The following ZUP1 variants were observed in gnomAD, a reference collection of about 807,000 sequenced individuals.
ZUP1 encodes zinc finger-containing ubiquitin peptidase 1.
Under a neutral mutation model 68.1 loss-of-function variants are expected in ZUP1, and 55 were observed. That is an observed-to-expected ratio of 0.81 (90% CI 0.65 to 1.01). The LOEUF is 1.01. ZUP1 is among the 50% of genes least tolerant of loss of function. The pLI, the probability that ZUP1 is intolerant of heterozygous loss-of-function variation, is 0.00. For missense variants in ZUP1, 684 were observed against 674.9 expected (o/e 1.01, Z -0.15); for synonymous variants, 223 against 221.5 (o/e 1.01, Z -0.06).
At chr6:116,651,875 C>A in intron 6 of ZUP1, 129 bp downstream of exon 6, 1 of 1,410,394 alleles carries the variant, frequency 7.1e-7, no homozygotes, top group Non-Finnish European at 9.6e-7. Flanking sequence ...TTCTCTTCCT[C>A]TAACCAGAAT....
chr6:116,662,602 T>C (rs1776877148), intron 2 of ZUP1, among the ~76,000 whole-genome samples: 2 of 152,196 alleles, frequency 1.3e-5, no homozygotes, highest in Admixed American at 1.3e-4. Context: ...CCTACCACAA[T>C]GCCCTCAGAA....
chr6:116,645,601 A>T, intron 9 of ZUP1, 113 bp downstream of exon 9: 4 of 794,908 alleles, frequency 5.0e-6, no homozygotes, highest in Non-Finnish European at 7.5e-6. Flanking sequence ...AAAAAAAAAA[A>T]GAAAAAGAAT....
chr6:116,638,507 T>C (rs1358226735), intron 9 of ZUP1, among the ~76,000 whole-genome samples: 2 of 152,160 alleles, frequency 1.3e-5, no homozygotes, highest in Non-Finnish European at 2.9e-5. Flanking sequence ...AATGTGAATA[T>C]CCAATAAGCC....
At chr6:116,644,854 T>G (rs1056248268) in intron 9 of ZUP1, among the ~76,000 whole-genome samples, 1 of 149,978 alleles carries the variant, frequency 6.7e-6, no homozygotes, top group Non-Finnish European at 1.5e-5. Flanking sequence ...ATAATAATAA[T>G]AAATAATAAA....
chr6:116,643,359 A>T (rs1776184527), intron 9 of ZUP1, among the ~76,000 whole-genome samples: 1 of 152,118 alleles, frequency 6.6e-6, no homozygotes, highest in South Asian at 2.1e-4. Flanking sequence ...TATGGAACCA[A>T]AAAAGAGCCC....
intron 7 of ZUP1, among the ~76,000 whole-genome samples, chr6:116,651,028 G>A (rs1187034571): frequency 6.6e-6 from 1 of 152,148 alleles, no homozygotes; most frequent in Non-Finnish European, 1.5e-5. Flanking sequence ...CAAGAAGGAT[G>A]TGTCCGAGAA....
chr6:116,652,017 G>T lies in ZUP1; in HGVS notation c.1137C>A (p.Asn379Lys). The T allele has an allele frequency of 2.5e-6, 4 of 1,613,682 alleles. No individual in the cohort carries two copies. In the South Asian group the frequency reaches 4.4e-5, roughly 18 times the overall value. The part of the protein sequence containing the change: ...LSSLLQNDAY[N>K]DCLKGMLIPC... ...GATTTCACATACCTTTTAAGCAATCGTTGTAAGCATCATTTTGTAATAATG... is the reference window on the plus strand; with the variant it reads ...GATTTCACATACCTTTTAAGCAATCTTTGTAAGCATCATTTTGTAATAATG... The change falls in exon 6 of 10, where the codon AAC becomes AAA. Residue 379 changes from asparagine to lysine, a missense_variant. Asn to Lys is a moderately conservative substitution (Grantham distance 94). Coordinates refer to ENST00000368576, the MANE Select transcript of ZUP1 (RefSeq NM_145062.3).
intron 7 of ZUP1, among the ~76,000 whole-genome samples, chr6:116,650,710 T>C (rs1776464233): frequency 6.6e-6 from 1 of 152,120 alleles, no homozygotes; most frequent in Non-Finnish European, 1.5e-5. Context: ...GTTCAAGCTC[T>C]TACCTACTAT....
At chr6:116,643,842 T>C (rs1001608918) in intron 9 of ZUP1, among the ~76,000 whole-genome samples, 7 of 152,034 alleles carry the variant, frequency 4.6e-5, no homozygotes, top group African/African-American at 1.7e-4. Context: ...ACAAATGGGA[T>C]CTAATTAAAC....
chr6:116,649,115 T>C (rs530224296), intron 7 of ZUP1, among the ~76,000 whole-genome samples: 3 of 152,224 alleles, frequency 2.0e-5, no homozygotes, highest in South Asian at 4.1e-4. Context: ...GGCATTAAAA[T>C]AGTTCTTTAA....
intron 7 of ZUP1, among the ~76,000 whole-genome samples, chr6:116,649,511 CAGAG>C (rs1771738999): frequency 6.6e-6 from 1 of 151,784 alleles, no homozygotes; most frequent in Non-Finnish European, 1.5e-5. Context: ...GTTTCAAAAT[CAGAG>C]AGAGGCTGAA....
At chr6:116,650,364 G>A (rs1462160789) in intron 7 of ZUP1, among the ~76,000 whole-genome samples, 1 of 139,096 alleles carries the variant, frequency 7.2e-6, no homozygotes, top group Non-Finnish European at 1.5e-5. Flanking sequence ...GGAGCTTGCA[G>A]TGAGCCAAGA....
Position 116,651,615 on chromosome 6 carries a change from C to A in ZUP1, c.1273G>T (p.Gly425Ter). 1 of 1,613,770 alleles carries A rather than the reference C, an allele frequency of 6.2e-7. No individual in the cohort carries two copies. The highest frequency in any genetic ancestry group is 8.5e-7 in the Non-Finnish European group (1 of 1,179,772). ...NRLQGTKAWI[G>*]ACEVYILLTS... ...AGGAGTATATATACTTCACATGCTC[C>A]AATCCAGGCCTTTGTTCCCTGTAAC... is the stretch of plus-strand genomic sequence containing the variant. Residue 425 changes from glycine (G) to a stop codon, truncating the protein, a stop_gained, in exon 7 of 10, where the codon GGA (glycine) becomes TGA (stop). Coordinates refer to ENST00000368576, the MANE Select transcript of ZUP1 (RefSeq NM_145062.3). LOFTEE classifies it high-confidence loss of function.
chr6:116,637,314 G>C (rs1329112394), intron 9 of ZUP1, among the ~76,000 whole-genome samples: 1 of 152,088 alleles, frequency 6.6e-6, no homozygotes, highest in Non-Finnish European at 1.5e-5. Flanking sequence ...ACTTTATAGG[G>C]CTGTTGTGTG....
rs771059711 is a variant in ZUP1 at position 116,645,728 on chromosome 6, G to A, written c.1675C>T (p.Leu559=). The change falls in exon 9 of 10, where the codon CTA becomes TTA. Residue 559 remains leucine, a synonymous_variant. Transcript: ENST00000368576. ...QILAVEGALS[L]EEKLARRQAS... is the part of the protein sequence containing the mutation. ...TAGATACTTACAAGTTTCTCCTCTA[G>A]AGAAAGAGCACCCTCTACTGCCAAT... The A allele has an allele frequency of 6.2e-7, 1 of 1,609,920 alleles. No homozygotes were observed. Among genetic ancestry groups the A allele is most frequent in the South Asian group, 1.1e-5 (1 of 89,868 alleles).
At chr6:116,661,028 G>A (rs544765593) in intron 2 of ZUP1, among the ~76,000 whole-genome samples, 182 bp from the exon 3 acceptor site, 2 of 151,214 alleles carry the variant, frequency 1.3e-5, no homozygotes, top group South Asian at 2.1e-4. Context: ...AAAGGCATGC[G>A]CCACCACGCC....
At chr6:116,661,755 GA>G (rs5879383) in intron 2 of ZUP1, among the ~76,000 whole-genome samples, 19,369 of 152,234 alleles carry the variant, frequency 0.13, 2,189 homozygotes, top group African/African-American at 0.29. Flanking sequence ...CAGAGACTGT[GA>G]ACAGCCAGTG....
At chr6:116,651,137 TAACTC>T (rs751818154) in intron 7 of ZUP1, among the ~76,000 whole-genome samples, 20 of 152,156 alleles carry the variant, frequency 1.3e-4, no homozygotes, top group Admixed American at 1.3e-3. Flanking sequence ...ACACAATTAT[TAACTC>T]AAGAAAAATT....
intron 3 of ZUP1, 125 bp downstream of exon 3, chr6:116,660,611 A>T (rs942652899): frequency 7.6e-5 from 44 of 579,232 alleles, no homozygotes; most frequent in Non-Finnish European, 1.2e-4. Flanking sequence ...CTTGTAAATA[A>T]AACACTTTTA....
Sources: allele counts gnomAD v4.1 joint callset (sites outside exome capture counted in the v4.1 genomes callset), GRCh38; gene constraint gnomAD v4.1.1; transcripts MANE v1.5; gene names NCBI Gene and HGNC (gene_info 2026-07-23, HGNC 2026-07-21).